Variants in CHLSN observed in about 807,000 individuals in gnomAD.
CHLSN encodes the protein protein cholesin.
the CHLSN span, chr7:986,475 G>C: frequency 6.8e-6 from 6 of 884,208 alleles, no homozygotes; most frequent in Non-Finnish European, 1.1e-5. Context: ...TCCCTTGAGG[G>C]CTAAGGGTCC....
At chr7:1,025,521 CTCAGG>C in the CHLSN span, 1 of 152,290 alleles carries the variant, frequency 6.6e-6, no homozygotes, top group Non-Finnish European at 1.5e-5. Flanking sequence ...AGGACACTGG[CTCAGG>C]TGTCAGCTGA....
At chr7:1,120,032 A>C in the CHLSN span, among the ~76,000 whole-genome samples, 1 of 152,206 alleles carries the variant, frequency 6.6e-6, no homozygotes. Flanking sequence ...TCGGAAGAAA[A>C]AAACAGAAGT....
chr7:1,129,548 C>A, the CHLSN span, among the ~76,000 whole-genome samples: 3 of 151,564 alleles, frequency 2.0e-5, no homozygotes, highest in Admixed American at 6.6e-5. Flanking sequence ...CAGGCTCAAG[C>A]CATCCTCCCA....
the CHLSN span, among the ~76,000 whole-genome samples, chr7:1,119,575 T>C: frequency 6.6e-6 from 1 of 151,924 alleles, no homozygotes; most frequent in African/African-American, 2.4e-5. Flanking sequence ...GGCGAGGACA[T>C]GGAGAAAGTG....
chr7:1,006,198 G>A, the CHLSN span, among the ~76,000 whole-genome samples: 1 of 152,220 alleles, frequency 6.6e-6, no homozygotes, highest in East Asian at 1.9e-4. Context: ...TTCCGCCTAT[G>A]CAAGGCCAGA....
chr7:999,106 T>C, the CHLSN span, among the ~76,000 whole-genome samples: 3 of 152,234 alleles, frequency 2.0e-5, no homozygotes, highest in East Asian at 3.8e-4. Flanking sequence ...TATACACACA[T>C]ATAAATGGCT....
chr7:1,035,792 C>CA, the CHLSN span, among the ~76,000 whole-genome samples: 27 of 152,316 alleles, frequency 1.8e-4, no homozygotes, highest in African/African-American at 5.5e-4. Flanking sequence ...CCTTGGTATT[C>CA]ACCCACATGA....
chr7:1,116,076 A>G, the CHLSN span, among the ~76,000 whole-genome samples: 1 of 117,336 alleles, frequency 8.5e-6, no homozygotes, highest in East Asian at 2.4e-4. Flanking sequence ...CCCACGCAGG[A>G]TGATGACATC....
chr7:1,022,919 A>G, the CHLSN span: 4 of 435,328 alleles, frequency 9.2e-6, no homozygotes, highest in Admixed American at 7.4e-5. Flanking sequence ...CGAGCTGGCC[A>G]CTCCATGGTC....
chr7:1,068,605 G>A, the CHLSN span, among the ~76,000 whole-genome samples: 1 of 152,152 alleles, frequency 6.6e-6, no homozygotes, highest in African/African-American at 2.4e-5. Context: ...GCCCCTGCCT[G>A]GGTTGCCGAT....
chr7:1,016,765 A>AGCGCACAG, the CHLSN span, among the ~76,000 whole-genome samples: 3 of 77,054 alleles, frequency 3.9e-5, no homozygotes, highest in African/African-American at 1.6e-4. Flanking sequence ...ACGCCAGCGC[A>AGCGCACAG]CAGCGCACAG....
the CHLSN span, chr7:984,695 G>A: frequency 2.2e-6 from 3 of 1,392,980 alleles, no homozygotes; most frequent in Admixed American, 2.6e-5. Flanking sequence ...GCAGGCAGGA[G>A]CTGGGCCTCC....
the CHLSN span, among the ~76,000 whole-genome samples, chr7:1,020,201 G>A: frequency 6.6e-6 from 1 of 152,320 alleles, no homozygotes; most frequent in Non-Finnish European, 1.5e-5. Context: ...TTCCCACGCC[G>A]CGGAGTGCAT....
At chr7:1,082,432 C>T in the CHLSN span, among the ~76,000 whole-genome samples, 2 of 152,216 alleles carry the variant, frequency 1.3e-5, no homozygotes, top group African/African-American at 4.8e-5. Context: ...TCTTCATGGG[C>T]CGTTGGTCTG....
chr7:1,044,930 ACAGCGCCGCCAC>A, the CHLSN span, among the ~76,000 whole-genome samples: 1 of 152,244 alleles, frequency 6.6e-6, no homozygotes, highest in South Asian at 2.1e-4. Context: ...CGTAGGCGGC[ACAGCGCCGCCAC>A]CGGCTCTCCC....
At chr7:1,016,648 G>GCAGCACA in the CHLSN span, among the ~76,000 whole-genome samples, 3 of 71,380 alleles carry the variant, frequency 4.2e-5, no homozygotes, top group African/African-American at 7.4e-5. Flanking sequence ...CCAGCGCACA[G>GCAGCACA]CAGCACACAG....
the CHLSN span, among the ~76,000 whole-genome samples, chr7:1,136,421 AATATATATAAACATATATATAAATAT>A: frequency 6.0e-5 from 7 of 116,234 alleles, no homozygotes; most frequent in African/African-American, 2.6e-4. Flanking sequence ...CATATATATA[AATATATATAAACATATATATAAATAT>A]ATATAAACAT....
the CHLSN span, among the ~76,000 whole-genome samples, chr7:982,246 C>A: frequency 5.9e-5 from 9 of 152,218 alleles, no homozygotes; most frequent in African/African-American, 2.2e-4. Context: ...CTGGGGCTTT[C>A]CCTCCCAGCT....
chr7:1,006,290 G>A, the CHLSN span, among the ~76,000 whole-genome samples: 3 of 152,246 alleles, frequency 2.0e-5, no homozygotes, highest in East Asian at 5.8e-4. Flanking sequence ...GACAGTCACA[G>A]CACAGGGAAA....
Sources: allele counts gnomAD v4.1 joint callset (sites outside exome capture counted in the v4.1 genomes callset), GRCh38; gene constraint gnomAD v4.1.1; transcripts MANE v1.5; gene names NCBI Gene and HGNC (gene_info 2026-07-23, HGNC 2026-07-21).